The following PARD3B variants were observed in gnomAD, a reference collection of about 807,000 sequenced individuals.
PARD3B encodes the protein par-3 family cell polarity regulator beta.
Under a neutral mutation model 130.2 loss-of-function variants are expected in PARD3B, and 103 were observed. That is an observed-to-expected ratio of 0.79 (90% CI 0.67 to 0.93). The LOEUF (loss-of-function observed/expected upper bound fraction) is 0.93. Among genes scored for constraint, PARD3B ranks in the 40% least tolerant of loss-of-function variants. The pLI is 0.00. For missense variants in PARD3B, 1,609 were observed against 1,499.2 expected (o/e 1.07, Z -1.21); for synonymous variants, 583 against 553.2 (o/e 1.05, Z -0.76).
At chr2:205,237,162 C>T (rs775241175) in intron 15 of PARD3B, among the ~76,000 whole-genome samples, 2 of 152,220 alleles carry the variant, frequency 1.3e-5, no homozygotes, top group African/African-American at 2.4e-5. Flanking sequence ...TGCAATGACG[C>T]GATCACTGCT....
chr2:205,465,063 A>T (rs1285157696), intron 20 of PARD3B, among the ~76,000 whole-genome samples: 7 of 152,188 alleles, frequency 4.6e-5, no homozygotes, highest in Non-Finnish European at 8.8e-5. Flanking sequence ...AGAAAGGAAG[A>T]GTTGTTTATG....
chr2:205,549,167 C>A (rs1240830621), intron 21 of PARD3B, among the ~76,000 whole-genome samples: 4 of 152,164 alleles, frequency 2.6e-5, no homozygotes, highest in African/African-American at 7.2e-5. Context: ...TCACCAGGAA[C>A]TCTCATTTGT....
At chr2:205,509,409 C>T (rs1288963044) in intron 21 of PARD3B, among the ~76,000 whole-genome samples, 4 of 152,024 alleles carry the variant, frequency 2.6e-5, no homozygotes, top group Admixed American at 6.6e-5. Context: ...TCCCATCTAC[C>T]GGTCTTTAAG....
rs1289219855 is a variant in PARD3B at position 205,553,362 on chromosome 2, C to T, written c.3219C>T (p.Leu1073=). 1.4e-5 allele frequency: 23 copies of T among 1,614,066 alleles called. 1 individual carries two copies. The South Asian group carries it at 1.5e-4, about 11-fold the overall frequency. The stretch of plus-strand genomic sequence containing the variant: ...GTCCAGATGGGAATGCACACAACCT[C>T]CGCTTTGAAGGGATGGAGAGGCAGT... ...GRGPDGNAHN[L]RFEGMERQYA... is the part of the protein sequence containing the mutation. The change falls in exon 22 of 23, where the codon CTC becomes CTT. Residue 1073 remains leucine, a synonymous_variant. Transcript: ENST00000406610.
chr2:205,372,872 G>A (rs528444484), intron 18 of PARD3B, among the ~76,000 whole-genome samples: 8 of 152,250 alleles, frequency 5.3e-5, no homozygotes, highest in South Asian at 2.1e-4. Flanking sequence ...CCAGCTACTC[G>A]GGAGGCTGAG....
intron 4 of PARD3B, among the ~76,000 whole-genome samples, chr2:205,052,452 A>ATATATATATATATATAT (rs1443249681): frequency 5.5e-3 from 112 of 20,516 alleles, no homozygotes; most frequent in Middle Eastern, 0.021. Context: ...TATATATATA[A>ATATATATATATATATAT]AATTAAAAAA....
intron 2 of PARD3B, among the ~76,000 whole-genome samples, chr2:204,749,514 T>G (rs2040377954): frequency 6.6e-6 from 1 of 152,182 alleles, no homozygotes; most frequent in South Asian, 2.1e-4. Flanking sequence ...TCTCCCAATT[T>G]GGCACCCACC....
At chr2:205,319,079 A>G (rs1022682470) in intron 18 of PARD3B, among the ~76,000 whole-genome samples, 1 of 152,054 alleles carries the variant, frequency 6.6e-6, no homozygotes, top group Non-Finnish European at 1.5e-5. Context: ...GTCCTCTGTG[A>G]ACTAAACACA....
rs1488237322 is a variant in PARD3B, at chr2:205,592,839, T to G, written c.3261-22617T>G. On this transcript the variant is annotated intron_variant, in intron 22 of 22. Transcript: ENST00000406610. This position sits in a 1 kb window ranked among gnomAD's most constrained non-coding sequence, Gnocchi z 4.5. ...TGAGCTACTTGCCCAAACCGAACTC[T>G]GTCTTCAAGGTTCCCTTAATGCAGT... is the stretch of plus-strand genomic sequence containing the variant. Among the ~76,000 whole-genome samples the G allele has an allele frequency of 6.6e-6, 1 of 152,252 alleles. No homozygotes were observed. The highest frequency in any genetic ancestry group is 2.4e-5 in the African/African-American group (1 of 41,474).
chr2:204,696,350 A>G (rs2037612272), intron 2 of PARD3B, among the ~76,000 whole-genome samples: 1 of 152,054 alleles, frequency 6.6e-6, no homozygotes, highest in Non-Finnish European at 1.5e-5. Flanking sequence ...ACAAGCAACT[A>G]TTTAGTTACT....
intron 1 of PARD3B, among the ~76,000 whole-genome samples, chr2:204,553,695 T>TATATATATATATATAC (rs1372888110): frequency 1.1e-5 from 1 of 90,752 alleles, no homozygotes; most frequent in African/African-American, 5.8e-5. Context: ...TATATATATA[T>TATATATATATATATAC]ACACACATAT....
chr2:204,665,277 G>T (rs370397634), intron 1 of PARD3B, among the ~76,000 whole-genome samples: 4 of 152,024 alleles, frequency 2.6e-5, no homozygotes, highest in African/African-American at 7.2e-5. Flanking sequence ...CATATTATAG[G>T]TGGGGTCTCT....
chr2:205,492,880 A>G (rs998652762), intron 20 of PARD3B, among the ~76,000 whole-genome samples: 6 of 152,116 alleles, frequency 3.9e-5, no homozygotes, highest in Non-Finnish European at 8.8e-5. Flanking sequence ...GAGATGTTAA[A>G]TCTGGAGAGT....
At position 205,205,822 on chromosome 2, in the gene PARD3B, T is replaced by C. The variant is rs113064364; in HGVS notation, c.2140+12502T>C. On this transcript the variant is annotated intron_variant, in intron 15 of 22. Coordinates refer to ENST00000406610, the MANE Select transcript of PARD3B (RefSeq NM_001302769.2). ...AACTTGATCATGGTGGATAAGCTTT[T>C]TGATGTGCTGCTGGATTTGGTTTGC... Among the ~76,000 whole-genome samples the C allele has an allele frequency of 8.0e-3, 1,219 of 152,310 alleles. 17 individuals are homozygous for C. The highest frequency in any genetic ancestry group is 0.014 in the African/African-American group (571 of 41,558).
intron 21 of PARD3B, among the ~76,000 whole-genome samples, chr2:205,522,825 A>T (rs1250029090): frequency 6.6e-6 from 1 of 152,148 alleles, no homozygotes; most frequent in Non-Finnish European, 1.5e-5. Flanking sequence ...ATTAAAAGAC[A>T]TTTCAATTTT....
rs1463626989 is a variant in PARD3B at position 204,673,839 on chromosome 2, T to C, written c.121-12342T>C. On this transcript the variant is annotated intron_variant, in intron 1 of 22. Transcript: ENST00000406610. This position sits in a 1 kb window ranked among gnomAD's most constrained non-coding sequence, Gnocchi z 4.7. ...TTTATTCCTTCCAAGAGCTGGATTTTTATTCTCTTTTTTCTTAGATGTTGC... is the reference window on the plus strand; with the variant it reads ...TTTATTCCTTCCAAGAGCTGGATTTCTATTCTCTTTTTTCTTAGATGTTGC... Among the ~76,000 whole-genome samples the C allele has an allele frequency of 6.6e-6, 1 of 152,242 alleles. No homozygotes were observed. The highest frequency in any genetic ancestry group is 1.5e-5 in the Non-Finnish European group (1 of 68,042).
intron 22 of PARD3B, among the ~76,000 whole-genome samples, chr2:205,612,123 T>G (rs937330251): frequency 6.6e-6 from 1 of 152,232 alleles, no homozygotes; most frequent in African/African-American, 2.4e-5. Context: ...CTCTAAGTTC[T>G]GTAGTTGATG....
Position 205,461,171 on chromosome 2 carries a change from A to G in PARD3B, c.3044+20499A>G, listed in dbSNP as rs2048439250. Among the ~76,000 whole-genome samples, 4 of 152,234 alleles carry G rather than the reference A, an allele frequency of 2.6e-5. No homozygotes were observed. Among genetic ancestry groups the G allele is most frequent in the Non-Finnish European group, 4.4e-5 (3 of 68,036 alleles). ...ATTTGACACTGTGGAGGATCAAGAAAGAAGTCACTGAGAAAGCGACATTTA... is the reference window on the plus strand; with the variant it reads ...ATTTGACACTGTGGAGGATCAAGAAGGAAGTCACTGAGAAAGCGACATTTA... On this transcript the variant is annotated intron_variant, in intron 20 of 22. Coordinates refer to ENST00000406610, the MANE Select transcript of PARD3B (RefSeq NM_001302769.2). The surrounding 1 kb of genome is among the most constrained non-coding windows in gnomAD (Gnocchi z 4.3).
intron 2 of PARD3B, among the ~76,000 whole-genome samples, chr2:204,910,701 G>C (rs932810047): frequency 6.6e-6 from 1 of 152,088 alleles, no homozygotes; most frequent in African/African-American, 2.4e-5. Context: ...GTGCAGCGGC[G>C]TGATCTCGGC....
Sources: allele counts gnomAD v4.1 joint callset (sites outside exome capture counted in the v4.1 genomes callset), GRCh38; gene constraint gnomAD v4.1.1; non-coding constraint Gnocchi (gnomAD v3.1); transcripts MANE v1.5; gene names NCBI Gene and HGNC (gene_info 2026-07-23, HGNC 2026-07-21).